The following SPRING1 variants were observed in gnomAD, a reference collection of about 807,000 sequenced individuals.
SPRING1 encodes SREBP regulating gene protein.
Under a neutral mutation model 24.7 loss-of-function variants are expected in SPRING1, and 14 were observed. The ratio of observed to expected loss-of-function variants is 0.57; its 90% CI spans 0.37 to 0.88. SPRING1 has a LOEUF of 0.88. Ranked by LOEUF, SPRING1 falls within the 40% of genes least tolerant of loss-of-function variation. The probability of loss-of-function intolerance (pLI) is 0.00; values close to 1 mark genes in which losing one functional copy is unlikely to be tolerated. For missense variants in SPRING1, 255 were observed against 268.4 expected, an observed-to-expected ratio of 0.95 and a Z score of 0.35; for synonymous variants, 93 against 106.1, an observed-to-expected ratio of 0.88 and a Z score of 0.76.
At position 116,715,580 on chromosome 12, in the gene SPRING1, A is replaced by G. The variant is rs4767440; in HGVS notation, c.*2230T>C. On this transcript the variant is annotated 3_prime_UTR_variant, in exon 5 of 5. Transcript: ENST00000261318. ...AAAATGACTTTTGGATCCTCCACCT[A>G]ATTTGGGTGTTTATGCCGCCTCGCC... 38,089 of 152,152 alleles carry G rather than the reference A, an allele frequency of 0.25. 4,914 individuals are homozygous for G. The highest frequency in any genetic ancestry group is 0.36 in the East Asian group (1,876 of 5,186). 9.4% of individuals were successfully genotyped at this position (152,152 alleles called of 1,614,324 possible). A position where few individuals can be genotyped will look rare whatever the true frequency, so the allele number is the denominator to read the frequency against.
Position 116,717,656 on chromosome 12 carries a change from A to ATTT in SPRING1, c.*153_*154insAAA, listed in dbSNP as rs1870206723. The ATTT allele has an allele frequency of 2.2e-5, 14 of 630,846 alleles. No homozygotes were observed. The Admixed American group carries it at 3.8e-4, about 17-fold the overall frequency. The allele number at this position is 630,846 out of a possible 1,614,324, so 39.1% of individuals were successfully genotyped here. On this transcript the variant is annotated 3_prime_UTR_variant, in exon 5 of 5. Transcript: ENST00000261318. This position sits in a 1 kb window ranked among gnomAD's most constrained non-coding sequence, Gnocchi z 4.2. Reference sequence around the variant, plus strand: ...AAGCCCGGGTGGTGAGCGAAGCCAAAGATGACAACACGAGAAGGGGTCAAA... The same window carrying ATTT: ...AAGCCCGGGTGGTGAGCGAAGCCAAATTTGATGACAACACGAGAAGGGGTCAAA...
intron 1 of SPRING1, among the ~76,000 whole-genome samples, chr12:116,737,509 GGAAAGGGGGAGGAA>G (rs1871298131): frequency 7.7e-6 from 1 of 130,096 alleles, no homozygotes; most frequent in Non-Finnish European, 1.7e-5. Flanking sequence ...GGGGGAGGAA[GGAAAGGGGGAGGAA>G]GGAAGGAGGA....
intron 1 of SPRING1, among the ~76,000 whole-genome samples, chr12:116,724,606 G>T (rs998898256): frequency 6.6e-6 from 1 of 151,060 alleles, no homozygotes; most frequent in Non-Finnish European, 1.5e-5. Flanking sequence ...GAACCCAGAA[G>T]GTAAAGGTTG....
rs542460347 is a variant in SPRING1, at chr12:116,728,831, C to A, written c.112-5608G>T. Reference sequence around the variant, plus strand: ...ACTGAGGCCAGCTGAGCAGGGACGGCCAAGTCAGACGCATGCAGGAGCGCC... The same window carrying A: ...ACTGAGGCCAGCTGAGCAGGGACGGACAAGTCAGACGCATGCAGGAGCGCC... On this transcript the variant is annotated intron_variant, in intron 1 of 4. Transcript: ENST00000261318. The surrounding 1 kb of genome is among the most constrained non-coding windows in gnomAD (Gnocchi z 4.2). Among the ~76,000 whole-genome samples the A allele has an allele frequency of 6.6e-6, 1 of 152,288 alleles. No individual in the cohort carries two copies. Among genetic ancestry groups the A allele is most frequent in the South Asian group, 2.1e-4 (1 of 4,822 alleles).
At chr12:116,729,684 G>A (rs1284585056) in intron 1 of SPRING1, among the ~76,000 whole-genome samples, 2 of 152,146 alleles carry the variant, frequency 1.3e-5, no homozygotes, top group African/African-American at 4.8e-5. Context: ...GATGAACTTT[G>A]AAAACATTAT....
chr12:116,732,008 G>C (rs1412832352), intron 1 of SPRING1, among the ~76,000 whole-genome samples: 3 of 152,068 alleles, frequency 2.0e-5, no homozygotes, highest in Admixed American at 6.6e-5. Context: ...AAAAGGGTGG[G>C]AGCCAATCCC....
intron 1 of SPRING1, among the ~76,000 whole-genome samples, chr12:116,724,348 T>G (rs1870582255): frequency 6.6e-6 from 1 of 152,230 alleles, no homozygotes; most frequent in Non-Finnish European, 1.5e-5. Flanking sequence ...GAAACTCAGG[T>G]CTGTCCTATG....
chr12:116,717,871 T>A lies in SPRING1; in HGVS notation c.557A>T (p.Tyr186Phe). 3 of 1,608,408 alleles carry A rather than the reference T, an allele frequency of 1.9e-6. No individual in the cohort carries two copies. The highest frequency in any genetic ancestry group is 2.5e-6 in the Non-Finnish European group (3 of 1,176,926). ...GCAATACTTTGCTATGGGGTCCCGG[T>A]AGGTGTTCTCATGCTGCACGCTCTG... ...SSQSVQHENT[Y>F]RDPIAKYCYG... The change falls in exon 5 of 5, where the codon TAC becomes TTC. Residue 186 changes from tyrosine (Y) to phenylalanine (F), a missense_variant. Tyr to Phe is a conservative substitution (Grantham distance 22, BLOSUM62 3). Transcript: ENST00000261318. This position sits in a 1 kb window ranked among gnomAD's most constrained non-coding sequence, Gnocchi z 4.2.
chr12:116,727,700 G>A (rs1448686145), intron 1 of SPRING1, among the ~76,000 whole-genome samples: 1 of 152,076 alleles, frequency 6.6e-6, no homozygotes, highest in African/African-American at 2.4e-5. Context: ...TTAAAGATAG[G>A]GAAATGCTTA....
At chr12:116,722,126 G>C (rs796866927) in intron 2 of SPRING1, among the ~76,000 whole-genome samples, 1 of 152,264 alleles carries the variant, frequency 6.6e-6, no homozygotes, top group East Asian at 1.9e-4. Context: ...AATATTCACA[G>C]TGGCATCTGC....
In SPRING1 at chr12:116,717,951, C is replaced by A; in HGVS notation, c.535-58G>T. The A allele has an allele frequency of 7.3e-7, 1 of 1,368,556 alleles. No homozygotes were observed. Among genetic ancestry groups the A allele is most frequent in the Non-Finnish European group, 9.9e-7 (1 of 1,006,034 alleles). 84.8% of individuals were successfully genotyped at this position (1,368,556 alleles called of 1,614,324 possible). ...GAGCGAGCACAGCTTCACACACCTC[C>A]CTCTCGGAAGAGTGAGAGTGGATCG... On this transcript the variant is annotated intron_variant, in intron 4 of 4. Transcript: ENST00000261318. The surrounding 1 kb of genome is among the most constrained non-coding windows in gnomAD (Gnocchi z 4.2).
intron 1 of SPRING1, among the ~76,000 whole-genome samples, chr12:116,729,272 G>C (rs1040593108): frequency 3.9e-5 from 6 of 152,202 alleles, no homozygotes; most frequent in Admixed American, 1.3e-4. Flanking sequence ...AATTGGAAAA[G>C]GGAGGACTAC....
chr12:116,718,426 A>G (rs770158772), intron 4 of SPRING1, among the ~76,000 whole-genome samples: 1 of 152,270 alleles, frequency 6.6e-6, no homozygotes, highest in Non-Finnish European at 1.5e-5. Context: ...GCAGACAATC[A>G]TTCCTGATGG....
In SPRING1 at chr12:116,717,480, G is replaced by C. The variant is rs148829501; in HGVS notation, c.*330C>G. The C allele has an allele frequency of 4.1e-5, 9 of 219,038 alleles. No homozygotes were observed. The Admixed American group carries it at 5.2e-4, about 13-fold the overall frequency. The allele number at this position is 219,038 out of a possible 1,614,324, so 13.6% of individuals were successfully genotyped here. A position where few individuals can be genotyped will look rare whatever the true frequency, so the allele number is the denominator to read the frequency against. On this transcript the variant is annotated 3_prime_UTR_variant, in exon 5 of 5. Transcript: ENST00000261318. The surrounding 1 kb of genome is among the most constrained non-coding windows in gnomAD (Gnocchi z 4.2). ...AAAACTGGAAGTGACACCGGCCCCC[G>C]ATGAACACAAGTCACAGGTCCCTGT... is the stretch of plus-strand genomic sequence containing the variant.
chr12:116,734,963 A>C (rs1284893431), intron 1 of SPRING1, among the ~76,000 whole-genome samples: 1 of 152,216 alleles, frequency 6.6e-6, no homozygotes, highest in Admixed American at 6.5e-5. Context: ...GAAGAGAAGA[A>C]GACAAGAATG....
intron 3 of SPRING1, 48 bp from the exon 4 acceptor site, chr12:116,719,924 C>T (rs761073433): frequency 1.3e-6 from 2 of 1,504,974 alleles, no homozygotes; most frequent in African/African-American, 2.8e-5. Flanking sequence ...TAAGCCAGCA[C>T]AAGGTGACCT....
Position 116,738,004 on chromosome 12 carries a change from A to T in SPRING1, c.-104T>A. On this transcript the variant is annotated 5_prime_UTR_variant, in exon 1 of 5. Coordinates refer to ENST00000261318, the MANE Select transcript of SPRING1 (RefSeq NM_024738.4). ...GCCCGGCAGCCCCATCCCTCCAGGC[A>T]GGCGCCGGCCCCGCCGCCCGCAGCC... The T allele has an allele frequency of 1.8e-6, 2 of 1,140,580 alleles. No homozygotes were observed. The highest frequency in any genetic ancestry group is 2.2e-6 in the Non-Finnish European group (2 of 926,100). The allele number at this position is 1,140,580 out of a possible 1,614,324, so 70.7% of individuals were successfully genotyped here.
intron 1 of SPRING1, among the ~76,000 whole-genome samples, chr12:116,733,256 C>T (rs925048784): frequency 4.6e-5 from 7 of 151,822 alleles, no homozygotes; most frequent in African/African-American, 1.5e-4. Flanking sequence ...GATCTCGGCT[C>T]ACTGCAACCT....
intron 1 of SPRING1, among the ~76,000 whole-genome samples, chr12:116,723,647 G>A (rs547820762): frequency 2.0e-5 from 3 of 152,252 alleles, no homozygotes; most frequent in South Asian, 2.1e-4. Context: ...AGAAACTTTC[G>A]TGACTCTCAT....
Sources: allele counts gnomAD v4.1 joint callset (sites outside exome capture counted in the v4.1 genomes callset), GRCh38; gene constraint gnomAD v4.1.1; non-coding constraint Gnocchi (gnomAD v3.1); transcripts MANE v1.5; gene names NCBI Gene and HGNC (gene_info 2026-07-23, HGNC 2026-07-21).